DNAL1: variants seen among roughly 807,000 people sequenced by gnomAD.
DNAL1 encodes chromosome 14 open reading frame 168.
A neutral mutation model predicts 29.4 loss-of-function variants in DNAL1; 17 were observed. The observed-to-expected ratio is 0.58, with a 90% CI of 0.40 to 0.87. The LOEUF is 0.87. DNAL1 is among the 40% of genes least tolerant of loss of function. DNAL1 has a pLI of 0.00. For missense variants in DNAL1, 188 were observed against 214.1 expected (o/e 0.88, Z 0.76); for synonymous variants, 78 against 76.3 (o/e 1.02, Z -0.12).
chr14:73,662,616 G>A (rs1891382264), intron 4 of DNAL1, among the ~76,000 whole-genome samples: 1 of 152,058 alleles, frequency 6.6e-6, no homozygotes, highest in East Asian at 1.9e-4. Context: ...CCAGCTTCTG[G>A]TGGCTGCTGC....
chr14:73,671,962 A>C (rs75282302), intron 5 of DNAL1, among the ~76,000 whole-genome samples: 1,710 of 152,348 alleles, frequency 0.011, 29 homozygotes, highest in African/African-American at 0.04. Context: ...TGTTCCCGAA[A>C]AGACAATACT....
rs1246645619 is a variant in DNAL1, at chr14:73,701,716, A to T, written c.*5774A>T. ...TAGCCAGCTCCTCTCCCAGGCTGGC[A>T]GTCATGATTACGAGCATCATTCCAG... On this transcript the variant is annotated 3_prime_UTR_variant, in exon 8 of 8. Transcript: ENST00000553645. The T allele has an allele frequency of 3.3e-5, 5 of 152,206 alleles. No individual in the cohort carries two copies. Among genetic ancestry groups the T allele is most frequent in the African/African-American group, 7.2e-5 (3 of 41,460 alleles). The allele number at this position is 152,206 out of a possible 1,614,324, so 9.4% of individuals were successfully genotyped here.
In DNAL1 at chr14:73,658,855, A is replaced by G; in HGVS notation, c.51A>G (p.Lys17=). 2 of 1,602,994 alleles carry G rather than the reference A, an allele frequency of 1.2e-6. No individual in the cohort carries two copies. The highest frequency in any genetic ancestry group is 1.1e-5 in the South Asian group (1 of 88,802). Residue 17 remains lysine, a synonymous_variant, in exon 3 of 8, where the codon AAA becomes AAG. Transcript: ENST00000553645. ...IKEALARWEE[K]TGQRPSEAKE... ...ATGTATTTTTCTCATAGGAAGAGAA[A>G]ACTGGCCAGAGGCCATCTGAAGCCA...
chr14:73,691,488 G>A (rs1266571965), intron 7 of DNAL1, among the ~76,000 whole-genome samples: 1 of 152,054 alleles, frequency 6.6e-6, no homozygotes, highest in Non-Finnish European at 1.5e-5. Context: ...GGCGGTGGTT[G>A]CAGTGAGCCA....
At chr14:73,670,938 G>T (rs1021584315) in intron 4 of DNAL1, among the ~76,000 whole-genome samples, 1 of 151,388 alleles carries the variant, frequency 6.6e-6, no homozygotes, top group Non-Finnish European at 1.5e-5. Flanking sequence ...GGGTTTCACC[G>T]TGTTAGCCAG....
At chr14:73,667,969 T>C (rs982612735) in intron 4 of DNAL1, among the ~76,000 whole-genome samples, 1 of 152,272 alleles carries the variant, frequency 6.6e-6, no homozygotes, top group Admixed American at 6.5e-5. Flanking sequence ...ATATTTCTTC[T>C]AATTTCATGT....
rs1892292328 is a variant in DNAL1 at position 73,696,004 on chromosome 14, A to T, written c.*62A>T. ...GTCATAAGAACAATAGATAAATTTT[A>T]TATAATTGTCTATTTTAAAGATTCT... On this transcript the variant is annotated 3_prime_UTR_variant, in exon 8 of 8. Transcript: ENST00000553645. 1.4e-6 allele frequency: 2 copies of T among 1,418,326 alleles called. No individual in the cohort carries two copies. The highest frequency in any genetic ancestry group is 1.9e-6 in the Non-Finnish European group (2 of 1,038,606). 87.9% of individuals were successfully genotyped at this position (1,418,326 alleles called of 1,614,324 possible).
intron 1 of DNAL1, among the ~76,000 whole-genome samples, chr14:73,645,298 G>A (rs1890953694): frequency 6.6e-6 from 1 of 152,198 alleles, no homozygotes; most frequent in Non-Finnish European, 1.5e-5. Flanking sequence ...GGAGGGCGAA[G>A]AGCAGGAAAT....
chr14:73,699,400 G>A lies in DNAL1; in HGVS notation c.*3458G>A, dbSNP rs190738314. 3.3e-5 allele frequency: 5 copies of A among 152,062 alleles called. No homozygotes were observed. In the East Asian group the frequency reaches 7.7e-4, roughly 24 times the overall value. The allele number at this position is 152,062 out of a possible 1,614,324, so 9.4% of individuals were successfully genotyped here. A position where few individuals can be genotyped will look rare whatever the true frequency, so the allele number is the denominator to read the frequency against. On this transcript the variant is annotated 3_prime_UTR_variant, in exon 8 of 8. Coordinates refer to ENST00000553645, the MANE Select transcript of DNAL1 (RefSeq NM_031427.4). The stretch of plus-strand genomic sequence containing the variant: ...AGCTCACTGCAACCTCCGTCTCCCG[G>A]GTTCAAGCAATTCTTCTGCCTCCGC...
Position 73,680,660 on chromosome 14 carries a change from ATCTTC to A in DNAL1, c.265-6592_265-6588del, listed in dbSNP as rs201345403. On this transcript the variant is annotated intron_variant, in intron 5 of 7. Transcript: ENST00000553645. Reference sequence around the variant, plus strand: ...TTTATTTATAGTGAGAACATTAAAAATCTTCTCTTCTAGCTATTTTGAAATACAGT... The same window carrying A: ...TTTATTTATAGTGAGAACATTAAAAATCTTCTAGCTATTTTGAAATACAGT... Among the ~76,000 whole-genome samples the A allele has an allele frequency of 8.1e-3, 1,231 of 152,320 alleles. 23 individuals carry two copies. Among genetic ancestry groups the A allele is most frequent in the African/African-American group, 0.028 (1,162 of 41,566 alleles).
chr14:73,672,467 G>A (rs1233802623), intron 5 of DNAL1, among the ~76,000 whole-genome samples: 7 of 151,732 alleles, frequency 4.6e-5, no homozygotes, highest in Non-Finnish European at 8.8e-5. Context: ...AACTAGCTGG[G>A]TGTGGTGGCG....
At chr14:73,669,277 C>A (rs1891560508) in intron 4 of DNAL1, among the ~76,000 whole-genome samples, 1 of 152,082 alleles carries the variant, frequency 6.6e-6, no homozygotes, top group Non-Finnish European at 1.5e-5. Flanking sequence ...TGCCACCATG[C>A]CCAGCTAAAC....
chr14:73,677,393 C>T (rs1288935028), intron 5 of DNAL1, among the ~76,000 whole-genome samples: 1 of 151,450 alleles, frequency 6.6e-6, no homozygotes, highest in Admixed American at 6.6e-5. Context: ...TGAACTCAAA[C>T]TCCTGGGCTC....
intron 3 of DNAL1, among the ~76,000 whole-genome samples, chr14:73,659,364 A>G (rs1366138039): frequency 1.3e-5 from 2 of 151,778 alleles, no homozygotes; most frequent in African/African-American, 2.4e-5. Context: ...GGGTTTCACC[A>G]TGTTAGCCAG....
Position 73,689,404 on chromosome 14 carries a change from T to A in DNAL1, c.421T>A (p.Cys141Ser). 1 of 1,553,438 alleles carries A rather than the reference T, an allele frequency of 6.4e-7. No individual in the cohort carries two copies. Among genetic ancestry groups the A allele is most frequent in the Non-Finnish European group, 8.7e-7 (1 of 1,147,808 alleles). ...GTTTGTGAAGCTGGCAGAACTGCCATGCCTCGAAGACCTGGTGTTTGTAGG... is the reference window on the plus strand; with the variant it reads ...GTTTGTGAAGCTGGCAGAACTGCCAAGCCTCGAAGACCTGGTGTTTGTAGG... ...AEFVKLAELP[C>S]LEDLVFVGNP... The change falls in exon 7 of 8, where the codon TGC becomes AGC. Residue 141 changes from cysteine to serine, a missense_variant. Coordinates refer to ENST00000553645, the MANE Select transcript of DNAL1 (RefSeq NM_031427.4).
At chr14:73,695,591 A>G (rs946310964) in intron 7 of DNAL1, among the ~76,000 whole-genome samples, 2 of 152,048 alleles carry the variant, frequency 1.3e-5, no homozygotes, top group Admixed American at 1.3e-4. Flanking sequence ...GTGCAATGGT[A>G]TAATCTTGGC....
At chr14:73,684,130 GCTT>G (rs1046684882) in intron 5 of DNAL1, among the ~76,000 whole-genome samples, 8 of 152,150 alleles carry the variant, frequency 5.3e-5, no homozygotes, top group Non-Finnish European at 1.0e-4. Context: ...AGGATTTCAT[GCTT>G]TTTTATGGCT....
At chr14:73,672,744 A>G (rs1160747356) in intron 5 of DNAL1, among the ~76,000 whole-genome samples, 2 of 149,850 alleles carry the variant, frequency 1.3e-5, no homozygotes, top group Non-Finnish European at 1.5e-5. Context: ...ATTCTTAATG[A>G]TCTGTAAAAA....
chr14:73,689,573 G>A (rs1892116886), intron 7 of DNAL1, 58 bp downstream of exon 7: 1 of 1,561,546 alleles, frequency 6.4e-7, no homozygotes, highest in South Asian at 1.2e-5. Flanking sequence ...GGAATTTGTG[G>A]CATGGAATCA....
Sources: allele counts gnomAD v4.1 joint callset (sites outside exome capture counted in the v4.1 genomes callset), GRCh38; gene constraint gnomAD v4.1.1; transcripts MANE v1.5; gene names NCBI Gene and HGNC (gene_info 2026-07-23, HGNC 2026-07-21).